AGAP1: variants seen among roughly 807,000 people sequenced by gnomAD.
AGAP1 encodes arf-GAP with GTPase, ANK repeat and PH domain-containing protein 1.
A neutral mutation model predicts 105.3 loss-of-function variants in AGAP1; 29 were observed. That is an observed-to-expected ratio of 0.28 (90% CI 0.21 to 0.38). The LOEUF (loss-of-function observed/expected upper bound fraction) is 0.38. Ranked by LOEUF, AGAP1 falls within the 10% of genes least tolerant of loss-of-function variation. The probability of loss-of-function intolerance (pLI) is 1.00; values close to 1 mark genes in which losing one functional copy is unlikely to be tolerated. For missense variants in AGAP1, 998 were observed against 1,165.1 expected (o/e 0.86, Z 2.09); for synonymous variants, 509 against 485.9 (o/e 1.05, Z -0.63).
rs538219835 is a variant in AGAP1 at position 236,061,300 on chromosome 2, G to A, written c.2114+12019G>A. Among the ~76,000 whole-genome samples the A allele has an allele frequency of 3.5e-3, 536 of 152,202 alleles. 1 individual carries two copies. Among genetic ancestry groups the A allele is most frequent in the Non-Finnish European group, 4.4e-3 (300 of 68,012 alleles). ...TGGGAAGATAGTCTGGCACTTCCTC[G>A]AAAAGTTAAACCTAGAGTTACCGTA... On this transcript the variant is annotated intron_variant, in intron 16 of 17. Transcript: ENST00000304032. The surrounding 1 kb of genome is among the most constrained non-coding windows in gnomAD (Gnocchi z 4.1).
intron 16 of AGAP1, among the ~76,000 whole-genome samples, chr2:236,064,631 C>G (rs1219488571): frequency 2.0e-5 from 3 of 152,058 alleles, no homozygotes; most frequent in Non-Finnish European, 4.4e-5. Flanking sequence ...AGTAGCACTC[C>G]TGCTGAGGAG....
At chr2:235,513,329 T>C (rs1942232608) in intron 1 of AGAP1, among the ~76,000 whole-genome samples, 1 of 152,020 alleles carries the variant, frequency 6.6e-6, no homozygotes, top group Admixed American at 6.5e-5. Flanking sequence ...GAGACCAGCA[T>C]GGCCAACATG....
Position 235,830,192 on chromosome 2 carries a change from G to T in AGAP1, c.1050+22861G>T, listed in dbSNP as rs1959210622. Among the ~76,000 whole-genome samples, 2 of 152,230 alleles carry T rather than the reference G, an allele frequency of 1.3e-5. No homozygotes were observed. The highest frequency in any genetic ancestry group is 1.5e-5 in the Non-Finnish European group (1 of 68,038). ...GAGGCCCAGAAAAGATGCAGACAAG[G>T]TAGGAGTCGGCTCTGTGTGACTTCC... On this transcript the variant is annotated intron_variant, in intron 9 of 17. Coordinates refer to ENST00000304032, the MANE Select transcript of AGAP1 (RefSeq NM_001037131.3). The surrounding 1 kb of genome is among the most constrained non-coding windows in gnomAD (Gnocchi z 5.5).
At chr2:235,704,423 G>A (rs1048113814) in intron 1 of AGAP1, among the ~76,000 whole-genome samples, 2 of 152,150 alleles carry the variant, frequency 1.3e-5, no homozygotes, top group Non-Finnish European at 2.9e-5. Context: ...CGAGGCCAGC[G>A]GATCACGAGG....
At chr2:235,506,897 AG>A (rs1193703863) in intron 1 of AGAP1, 2 of 152,612 alleles carry the variant, frequency 1.3e-5, no homozygotes, top group Non-Finnish European at 2.9e-5. Flanking sequence ...GGTATGGGCA[AG>A]GTTTGTTTTG....
At position 235,747,952 on chromosome 2, in the gene AGAP1, C is replaced by G. The variant is rs1233883994; in HGVS notation, c.539-2402C>G. Among the ~76,000 whole-genome samples the G allele has an allele frequency of 6.6e-6, 1 of 152,246 alleles. No individual in the cohort carries two copies. The highest frequency in any genetic ancestry group is 6.5e-5 in the Admixed American group (1 of 15,288). ...GGCCTCCGCCCGCTGGCGGGAGGGG[C>G]AGCTCTGCCAGCAGGAGCTCTTTCT... On this transcript the variant is annotated intron_variant, in intron 5 of 17. Coordinates refer to ENST00000304032, the MANE Select transcript of AGAP1 (RefSeq NM_001037131.3). This position sits in a 1 kb window ranked among gnomAD's most constrained non-coding sequence, Gnocchi z 5.0.
chr2:235,520,404 G>T (rs1175212142), intron 1 of AGAP1, among the ~76,000 whole-genome samples: 1 of 152,134 alleles, frequency 6.6e-6, no homozygotes, highest in Admixed American at 6.6e-5. Context: ...CCCGGGGCCT[G>T]TGTTTGTTTC....
chr2:236,082,645 G>A lies in AGAP1; in HGVS notation c.2114+33364G>A, dbSNP rs550176417. Reference sequence around the variant, plus strand: ...TCCCAACACTTTGGGAGGCCAAGACGGGTGGATCACCTGAGGCCAGGAGTT... The same window carrying A: ...TCCCAACACTTTGGGAGGCCAAGACAGGTGGATCACCTGAGGCCAGGAGTT... On this transcript the variant is annotated intron_variant, in intron 16 of 17. Coordinates refer to ENST00000304032, the MANE Select transcript of AGAP1 (RefSeq NM_001037131.3). The surrounding 1 kb of genome is among the most constrained non-coding windows in gnomAD (Gnocchi z 4.2). 1.1e-3 allele frequency among the ~76,000 whole-genome samples: 160 copies of A among 152,314 alleles called. 7 individuals carry two copies. The South Asian group carries it at 0.025, about 24-fold the overall frequency.
At chr2:235,844,060 T>C (rs1001382986) in intron 9 of AGAP1, among the ~76,000 whole-genome samples, 3 of 152,130 alleles carry the variant, frequency 2.0e-5, no homozygotes, top group African/African-American at 7.2e-5. Context: ...CTTGGCCCCA[T>C]TGAGTCTGTC....
chr2:236,019,683 T>G (rs932693861), intron 13 of AGAP1, among the ~76,000 whole-genome samples: 1 of 152,192 alleles, frequency 6.6e-6, no homozygotes, highest in African/African-American at 2.4e-5. Flanking sequence ...GGCTTGAGTG[T>G]GAGGTGTGTG....
At chr2:235,773,776 G>A in intron 6 of AGAP1, 1 of 369,902 alleles carries the variant, frequency 2.7e-6, no homozygotes, top group Non-Finnish European at 5.4e-6. Context: ...TTTCTTCGGA[G>A]AATCACAGTT....
rs912481881 is a variant in AGAP1, at chr2:235,701,630, G to T, written c.164-7549G>T. ...ATTTCATTTATTATAGGGATTCAAG[G>T]ATTTCCAAATAAGAAATTAAATCCT... On this transcript the variant is annotated intron_variant, in intron 1 of 17. Transcript: ENST00000304032. The surrounding 1 kb of genome is among the most constrained non-coding windows in gnomAD (Gnocchi z 4.1). 2.6e-5 allele frequency among the ~76,000 whole-genome samples: 4 copies of T among 152,148 alleles called. No individual in the cohort carries two copies. The highest frequency in any genetic ancestry group is 5.9e-5 in the Non-Finnish European group (4 of 68,014).
At position 236,087,348 on chromosome 2, in the gene AGAP1, T is replaced by C. The variant is rs75927724; in HGVS notation, c.2115-32844T>C. ...AGCGGGGGCTAGCTGTGGGTGTTCA[T>C]TGAAAGAGTCCAGGTCCCCGACAGC... is the stretch of plus-strand genomic sequence containing the variant. On this transcript the variant is annotated intron_variant, in intron 16 of 17. Coordinates refer to ENST00000304032, the MANE Select transcript of AGAP1 (RefSeq NM_001037131.3). The surrounding 1 kb of genome is among the most constrained non-coding windows in gnomAD (Gnocchi z 5.7). Among the ~76,000 whole-genome samples, 1 of 152,136 alleles carries C rather than the reference T, an allele frequency of 6.6e-6. No homozygotes were observed. The highest frequency in any genetic ancestry group is 1.5e-5 in the Non-Finnish European group (1 of 68,022).
intron 12 of AGAP1, among the ~76,000 whole-genome samples, chr2:235,942,013 A>T (rs1330507408): frequency 6.6e-6 from 1 of 152,134 alleles, no homozygotes; most frequent in Non-Finnish European, 1.5e-5. Context: ...GCTCTCTCCC[A>T]TCCTCCCTGC....
At chr2:235,636,469 A>G (rs183939268) in intron 1 of AGAP1, among the ~76,000 whole-genome samples, 143 of 152,268 alleles carry the variant, frequency 9.4e-4, no homozygotes, top group South Asian at 3.9e-3. Context: ...GAAGTTGGCT[A>G]TCTGGTCTCG....
At chr2:235,952,072 A>G (rs528903457) in intron 12 of AGAP1, among the ~76,000 whole-genome samples, 4 of 152,200 alleles carry the variant, frequency 2.6e-5, no homozygotes, top group Non-Finnish European at 2.9e-5. Context: ...ACCACACCAG[A>G]TTGATTCCAG....
At chr2:235,804,259 C>T (rs1957727870) in intron 8 of AGAP1, among the ~76,000 whole-genome samples, 1 of 152,130 alleles carries the variant, frequency 6.6e-6, no homozygotes, top group Non-Finnish European at 1.5e-5. Flanking sequence ...TGGCCTTGTC[C>T]ATTTTCAAGC....
rs185172250 is a variant in AGAP1, at chr2:235,925,365, C to T, written c.1325-5400C>T. ...ACGACCCCAGCTTCATATCTTACTC[C>T]TTAGACACGGGAATGAAATTCTGTA... On this transcript the variant is annotated intron_variant, in intron 11 of 17. Coordinates refer to ENST00000304032, the MANE Select transcript of AGAP1 (RefSeq NM_001037131.3). 3.9e-5 allele frequency among the ~76,000 whole-genome samples: 6 copies of T among 152,272 alleles called. No homozygotes were observed. In the South Asian group the frequency reaches 1.0e-3, roughly 26 times the overall value.
rs10210000 is a variant in AGAP1 at position 235,778,616 on chromosome 2, C to T, written c.674-19143C>T. Among the ~76,000 whole-genome samples the T allele has an allele frequency of 9.9e-3, 1,502 of 152,280 alleles. 27 individuals carry two copies. The highest frequency in any genetic ancestry group is 0.034 in the African/African-American group (1,429 of 41,552). On this transcript the variant is annotated intron_variant, in intron 6 of 17. Coordinates refer to ENST00000304032, the MANE Select transcript of AGAP1 (RefSeq NM_001037131.3). The stretch of plus-strand genomic sequence containing the variant: ...AGTTCAGTTCTGAGGTCGGAATTCC[C>T]GGCTACCATGTGGCTCCCCTGACTG...
Sources: allele counts gnomAD v4.1 joint callset (sites outside exome capture counted in the v4.1 genomes callset), GRCh38; gene constraint gnomAD v4.1.1; non-coding constraint Gnocchi (gnomAD v3.1); transcripts MANE v1.5; gene names NCBI Gene and HGNC (gene_info 2026-07-23, HGNC 2026-07-21).